Variants in CSGALNACT1 observed in about 807,000 individuals in gnomAD.
CSGALNACT1 encodes the protein beta4GalNAcT-1.
In CSGALNACT1, 52 loss-of-function variants were observed where a neutral mutation model predicts 51.0. The ratio of observed to expected loss-of-function variants is 1.02; its 90% CI spans 0.82 to 1.29. The LOEUF (loss-of-function observed/expected upper bound fraction) is 1.29. Ranked by LOEUF, CSGALNACT1 falls within the 50% of genes most tolerant of loss-of-function variation. CSGALNACT1 has a pLI of 0.00. For missense variants in CSGALNACT1, 935 were observed against 679.2 expected, an observed-to-expected ratio of 1.38 and a Z score of -4.19; for synonymous variants, 341 against 254.4, an observed-to-expected ratio of 1.34 and a Z score of -3.24.
At chr8:19,455,780 C>A (rs138490913) in intron 5 of CSGALNACT1, among the ~76,000 whole-genome samples, 1 of 152,322 alleles carries the variant, frequency 6.6e-6, no homozygotes, top group East Asian at 1.9e-4. Flanking sequence ...GTCCCATTGT[C>A]CCCTGTCTGT....
At chr8:19,442,080 G>A (rs1301408342) in intron 5 of CSGALNACT1, among the ~76,000 whole-genome samples, 9 of 152,204 alleles carry the variant, frequency 5.9e-5, no homozygotes, top group African/African-American at 2.2e-4. Flanking sequence ...AGGTGCTGGA[G>A]AGGATGTGGA....
intron 3 of CSGALNACT1, among the ~76,000 whole-genome samples, chr8:19,571,735 C>T (rs2043088860): frequency 6.6e-6 from 1 of 152,226 alleles, no homozygotes; most frequent in Non-Finnish European, 1.5e-5. Flanking sequence ...TCAGCTATTT[C>T]AGCCACTGAC....
At position 19,738,710 on chromosome 8, in the gene CSGALNACT1, A is replaced by G. The variant is rs548018337; in HGVS notation, c.-297+19140T>C. Among the ~76,000 whole-genome samples, 30 of 152,348 alleles carry G rather than the reference A, an allele frequency of 2.0e-4. 2 individuals carry two copies. In the South Asian group the frequency reaches 6.0e-3, roughly 31 times the overall value. ...AAATAAAAACATAAGGAAGTTTTAA[A>G]GTTAAGGGCTGGCCAAGCATCACTA... On this transcript the variant is annotated intron_variant, in intron 1 of 1. Coordinates refer to the CSGALNACT1 transcript ENST00000517494.
At chr8:19,447,551 T>C (rs945561188) in intron 5 of CSGALNACT1, among the ~76,000 whole-genome samples, 2 of 152,204 alleles carry the variant, frequency 1.3e-5, no homozygotes, top group African/African-American at 4.8e-5. Context: ...CTAACTATTG[T>C]GGGAGGTGCT....
chr8:19,477,021 AACTC>A (rs2069866127), intron 4 of CSGALNACT1, among the ~76,000 whole-genome samples: 1 of 152,180 alleles, frequency 6.6e-6, no homozygotes, highest in Middle Eastern at 3.2e-3. Context: ...TGGTAATAAT[AACTC>A]ACTAAAATTC....
intron 1 of CSGALNACT1, among the ~76,000 whole-genome samples, chr8:19,614,209 C>A (rs1267856358): frequency 1.4e-4 from 21 of 152,130 alleles, no homozygotes; most frequent in Admixed American, 1.4e-3. Flanking sequence ...ATTCAATACT[C>A]CTGACTGCCT....
intron 6 of CSGALNACT1, among the ~76,000 whole-genome samples, chr8:19,429,919 G>A (rs140029295): frequency 5.9e-5 from 9 of 152,284 alleles, no homozygotes; most frequent in African/African-American, 2.2e-4. Flanking sequence ...AGCCATCCCG[G>A]TGAGTGTAGT....
chr8:19,530,411 T>C (rs1040464684), intron 3 of CSGALNACT1, among the ~76,000 whole-genome samples: 1 of 152,172 alleles, frequency 6.6e-6, no homozygotes, highest in African/African-American at 2.4e-5. Flanking sequence ...TTATAATATC[T>C]ATAACTCTTT....
intron 3 of CSGALNACT1, among the ~76,000 whole-genome samples, chr8:19,519,180 G>A (rs1411713307): frequency 6.6e-6 from 1 of 152,114 alleles, no homozygotes; most frequent in African/African-American, 2.4e-5. Context: ...AGTCCTCTCG[G>A]GCAGCCCTGG....
chr8:19,657,604 T>TA (rs2058395147), intron 1 of CSGALNACT1, among the ~76,000 whole-genome samples: 1 of 152,164 alleles, frequency 6.6e-6, no homozygotes, highest in South Asian at 2.1e-4. Context: ...AAATCCAGTA[T>TA]AAAATACCTT....
intron 1 of CSGALNACT1, among the ~76,000 whole-genome samples, chr8:19,647,903 A>G (rs936670912): frequency 4.6e-5 from 7 of 152,208 alleles, no homozygotes; most frequent in African/African-American, 1.7e-4. Flanking sequence ...ATTTGAATAA[A>G]AGAAAGGCAC....
At chr8:19,673,354 G>A (rs2059935058) in intron 1 of CSGALNACT1, among the ~76,000 whole-genome samples, 1 of 152,214 alleles carries the variant, frequency 6.6e-6, no homozygotes. Flanking sequence ...AACAACGATT[G>A]TTTCAACTTG....
intron 4 of CSGALNACT1, among the ~76,000 whole-genome samples, chr8:19,468,938 G>A (rs1269691042): frequency 1.3e-5 from 2 of 152,142 alleles, no homozygotes; most frequent in Non-Finnish European, 1.5e-5. Flanking sequence ...AAACCTTCAG[G>A]TGCACAGTGC....
chr8:19,475,011 A>G (rs1428695129), intron 4 of CSGALNACT1, among the ~76,000 whole-genome samples: 2 of 152,170 alleles, frequency 1.3e-5, no homozygotes, highest in African/African-American at 2.4e-5. Flanking sequence ...GTGAGCAGCT[A>G]TAACACCGTG....
chr8:19,414,173 A>G (rs1326602291), intron 8 of CSGALNACT1, among the ~76,000 whole-genome samples: 2 of 152,190 alleles, frequency 1.3e-5, no homozygotes, highest in African/African-American at 4.8e-5. Context: ...CCCCCTCTTC[A>G]GAGAGCAGGT....
chr8:19,414,865 G>T (rs781000358), intron 8 of CSGALNACT1, among the ~76,000 whole-genome samples: 83 of 152,202 alleles, frequency 5.5e-4, no homozygotes, highest in Non-Finnish European at 8.5e-4. Context: ...TAATATATAG[G>T]TACCATCTCT....
intron 5 of CSGALNACT1, among the ~76,000 whole-genome samples, chr8:19,450,453 G>C (rs925732835): frequency 2.0e-5 from 3 of 152,132 alleles, no homozygotes; most frequent in Non-Finnish European, 4.4e-5. Context: ...GCCACAGGTA[G>C]AGACTGCAGA....
exon 4 of CSGALNACT1, chr8:19,505,689 T>C (rs773533087): frequency 3.7e-6 from 6 of 1,614,058 alleles, no homozygotes; most frequent in Non-Finnish European, 4.2e-6. Context: ...CGTGGGGCTG[T>C]TGGCCCTGGG....
At position 19,707,857 on chromosome 8, in the gene CSGALNACT1, C is replaced by T. The variant is rs370814797; in HGVS notation, c.-297+49993G>A. 2.1e-3 allele frequency among the ~76,000 whole-genome samples: 312 copies of T among 152,088 alleles called. 5 individuals carry two copies. Among genetic ancestry groups the T allele is most frequent in the African/African-American group, 5.3e-3 (220 of 41,470 alleles). ...CTCTACTAAAAATACAAAAAGTAGCCGGGCGTGATGGCGCATGCCTGTAGT... is the reference window on the plus strand; with the variant it reads ...CTCTACTAAAAATACAAAAAGTAGCTGGGCGTGATGGCGCATGCCTGTAGT... On this transcript the variant is annotated intron_variant, in intron 1 of 1. Coordinates refer to the CSGALNACT1 transcript ENST00000517494.
Sources: gnomAD v4.1 joint callset for allele counts (sites outside exome capture counted in the v4.1 genomes callset) on GRCh38, gnomAD v4.1.1 for gene constraint, MANE v1.5 for transcripts, NCBI Gene and HGNC (gene_info 2026-07-23, HGNC 2026-07-21) for gene names.